The following ZNF33A variants were observed in gnomAD, a reference collection of about 807,000 sequenced individuals.
The protein encoded by ZNF33A is brain my041 protein.
ZNF33A carries 9 observed loss-of-function variants against 15.9 expected under a neutral mutation model. That is an observed-to-expected ratio of 0.57 (90% CI 0.34 to 0.99). The LOEUF (loss-of-function observed/expected upper bound fraction) is 0.99, where lower values mean the gene tolerates loss of function less well. ZNF33A is among the 50% of genes least tolerant of loss of function. The pLI is 0.02. For missense variants in ZNF33A, 843 were observed against 941.6 expected (o/e 0.90, Z 1.37); for synonymous variants, 294 against 324.2 (o/e 0.91, Z 1.00).
chr10:38,012,226 A>G, intron 1 of ZNF33A, 72 bp from the exon 2 acceptor site: 3 of 1,507,026 alleles, frequency 2.0e-6, no homozygotes, highest in Non-Finnish European at 2.7e-6. Context: ...ATGGCTTCTT[A>G]GGGCGGAAGA....
At position 38,057,743 on chromosome 10, in the gene ZNF33A, A is replaced by G. The variant is rs2066544594; in HGVS notation, c.*1183A>G. The G allele has an allele frequency of 4.1e-6, 4 of 985,470 alleles. No homozygotes were observed. Among genetic ancestry groups the G allele is most frequent in the Non-Finnish European group, 3.6e-6 (3 of 829,956 alleles). 61.0% of individuals were successfully genotyped at this position (985,470 alleles called of 1,614,324 possible). On this transcript the variant is annotated 3_prime_UTR_variant, in exon 5 of 5. Transcript: ENST00000432900. ...CCATGCCATGAAGTGCCTAGGGTACATATGTGAACATTCCAGCCTTCAGCA... is the reference window on the plus strand; with the variant it reads ...CCATGCCATGAAGTGCCTAGGGTACGTATGTGAACATTCCAGCCTTCAGCA...
intron 4 of ZNF33A, among the ~76,000 whole-genome samples, chr10:38,039,250 G>A (rs573762536): frequency 5.7e-4 from 86 of 151,892 alleles, no homozygotes; most frequent in Admixed American, 2.2e-3. Context: ...TTGAGACAGG[G>A]CCTCACTATA....
chr10:38,039,299 C>G (rs1053157222), intron 4 of ZNF33A: 1 of 367,584 alleles, frequency 2.7e-6, no homozygotes, highest in Non-Finnish European at 5.4e-6. Context: ...TCATGGCTCA[C>G]TGCAGCCTGA....
Position 38,057,816 on chromosome 10 carries a change from G to A in ZNF33A, c.*1256G>A, listed in dbSNP as rs1422076728. ...TTAAGCAGCTGCTCTCCAAGACAGGGCCCTGGAAAGGCCCACACATACAGC... is the reference window on the plus strand; with the variant it reads ...TTAAGCAGCTGCTCTCCAAGACAGGACCCTGGAAAGGCCCACACATACAGC... On this transcript the variant is annotated 3_prime_UTR_variant, in exon 5 of 5. Transcript: ENST00000432900. 4.1e-6 allele frequency: 4 copies of A among 985,428 alleles called. No individual in the cohort carries two copies. Among genetic ancestry groups the A allele is most frequent in the Admixed American group, 6.1e-5 (1 of 16,268 alleles). The allele number at this position is 985,428 out of a possible 1,614,324, so 61.0% of individuals were successfully genotyped here.
chr10:38,016,056 T>C, intron 2 of ZNF33A: 1 of 1,222,946 alleles, frequency 8.2e-7, no homozygotes, highest in Non-Finnish European at 1.0e-6. Context: ...GTTTCAAATA[T>C]AATGGTTCCA....
Position 38,056,438 on chromosome 10 carries a change from A to G in ZNF33A, c.2314A>G (p.Ile772Val), listed in dbSNP as rs143139967. Reference protein sequence around the residue: ...SNLIVHQRRHIGENLMNEMDI... With the variant: ...SNLIVHQRRHVGENLMNEMDI... ...TCTCATTGTACATCAGAGAAGACAT[A>G]TAGGAGAAAACCTTATGAATGAAAT... is the stretch of plus-strand genomic sequence containing the variant. Residue 772 changes from isoleucine (I) to valine (V), a missense_variant, in exon 5 of 5, where the codon ATA (isoleucine) becomes GTA (valine). Transcript: ENST00000432900. The G allele has an allele frequency of 2.1e-4, 346 of 1,613,956 alleles. No homozygotes were observed. Among genetic ancestry groups the G allele is most frequent in the Non-Finnish European group, 2.6e-4 (310 of 1,179,948 alleles).
intron 4 of ZNF33A, among the ~76,000 whole-genome samples, chr10:38,046,436 A>C (rs533192798): frequency 6.6e-6 from 1 of 152,276 alleles, no homozygotes; most frequent in East Asian, 1.9e-4. Flanking sequence ...CGTGGTGAGG[A>C]GTAATGTGCC....
intron 4 of ZNF33A, among the ~76,000 whole-genome samples, chr10:38,038,743 G>C (rs932528464): frequency 2.6e-5 from 4 of 152,164 alleles, no homozygotes; most frequent in Admixed American, 2.0e-4. Flanking sequence ...TAATCAGGCT[G>C]AGGAAGTTTA....
chr10:38,052,046 G>T (rs2066233563), intron 4 of ZNF33A, among the ~76,000 whole-genome samples: 1 of 152,080 alleles, frequency 6.6e-6, no homozygotes, highest in African/African-American at 2.4e-5. Context: ...ACAACGGAAT[G>T]ATTTCTTTCC....
intron 2 of ZNF33A, among the ~76,000 whole-genome samples, chr10:38,014,938 A>G (rs1436851548): frequency 6.7e-6 from 1 of 150,242 alleles, no homozygotes; most frequent in African/African-American, 2.4e-5. Context: ...CAGTGGTACG[A>G]TCTCAGCTTA....
chr10:38,046,793 G>A (rs1369875252), intron 4 of ZNF33A, among the ~76,000 whole-genome samples: 2 of 151,858 alleles, frequency 1.3e-5, no homozygotes, highest in African/African-American at 4.8e-5. Context: ...TAGAGACACG[G>A]AAGATTTAAA....
At chr10:38,065,535 A>G (rs1358924918), downstream of ZNF33A, among the ~76,000 whole-genome samples, 1 of 152,196 alleles carries the variant, frequency 6.6e-6, no homozygotes, top group East Asian at 1.9e-4. Context: ...TTCAAATACG[A>G]TCAGGAAAGA....
At chr10:38,022,717 A>G (rs1332412360) in intron 4 of ZNF33A, among the ~76,000 whole-genome samples, 5 of 151,618 alleles carry the variant, frequency 3.3e-5, no homozygotes, top group Non-Finnish European at 7.4e-5. Context: ...TTCAGAAACC[A>G]CAAACTATTA....
At chr10:38,062,068 C>T (rs148699918), downstream of ZNF33A, among the ~76,000 whole-genome samples, 48 of 152,270 alleles carry the variant, frequency 3.2e-4, no homozygotes, top group African/African-American at 9.1e-4. Context: ...ACCTCATGAA[C>T]GATTAGTGAT....
At chr10:38,011,360 GGATCACCT>G (rs2135519304) in intron 1 of ZNF33A, among the ~76,000 whole-genome samples, 1 of 152,254 alleles carries the variant, frequency 6.6e-6, no homozygotes, top group Admixed American at 6.5e-5. Flanking sequence ...CGAGGCGGGT[GGATCACCT>G]GAGGTCAGAA....
At chr10:38,022,566 A>G (rs555642843) in intron 4 of ZNF33A, among the ~76,000 whole-genome samples, 3 of 150,386 alleles carry the variant, frequency 2.0e-5, no homozygotes, top group Admixed American at 6.7e-5. Flanking sequence ...CTGAGGTAGG[A>G]GAATGGCTTG....
At chr10:38,039,405 T>G in intron 4 of ZNF33A, 1 of 448,632 alleles carries the variant, frequency 2.2e-6, no homozygotes, top group South Asian at 1.6e-5. Context: ...TGTGTTTTTT[T>G]TTTGTAGAGA....
chr10:38,042,047 G>A (rs964943911), intron 4 of ZNF33A, among the ~76,000 whole-genome samples: 4 of 152,130 alleles, frequency 2.6e-5, no homozygotes, highest in African/African-American at 9.7e-5. Flanking sequence ...GAAGCTGAAA[G>A]AAAGATAGGA....
intron 4 of ZNF33A, among the ~76,000 whole-genome samples, chr10:38,033,880 TTTTTGTA>T (rs889286395): frequency 2.6e-4 from 40 of 151,936 alleles, no homozygotes; most frequent in African/African-American, 9.4e-4. Context: ...GCCAGGCTAA[TTTTTGTA>T]TTTTTGGTAG....
Sources: allele counts gnomAD v4.1 joint callset (sites outside exome capture counted in the v4.1 genomes callset), GRCh38; gene constraint gnomAD v4.1.1; transcripts MANE v1.5; gene names NCBI Gene and HGNC (gene_info 2026-07-23, HGNC 2026-07-21).